The following OR7E24 variants were observed in gnomAD, a reference collection of about 807,000 sequenced individuals.
OR7E24 encodes the protein olfactory receptor 7E24.
For missense variants in OR7E24, 385 were observed against 410.3 expected, an observed-to-expected ratio of 0.94 and a Z score of 0.53; for synonymous variants, 130 against 157.5, an observed-to-expected ratio of 0.83 and a Z score of 1.31.
At chr19:9,230,107 C>T in the OR7E24 span, among the ~76,000 whole-genome samples, 106 of 151,110 alleles carry the variant, frequency 7.0e-4, no homozygotes, top group East Asian at 2.9e-3. Flanking sequence ...TGCAATGGCA[C>T]GATCTCGGCT....
At chr19:9,246,205 G>A (rs929012981), upstream of OR7E24, among the ~76,000 whole-genome samples, 1 of 150,488 alleles carries the variant, frequency 6.6e-6, no homozygotes, top group Non-Finnish European at 1.5e-5. Flanking sequence ...AAGTAGCTGG[G>A]ATTACAGGCA....
At chr19:9,220,061 T>A in the OR7E24 span, among the ~76,000 whole-genome samples, 3 of 151,906 alleles carry the variant, frequency 2.0e-5, no homozygotes, top group Non-Finnish European at 2.9e-5. Context: ...TTTTATATAT[T>A]TTTTTAAATT....
At chr19:9,229,346 A>G in the OR7E24 span, among the ~76,000 whole-genome samples, 1 of 152,096 alleles carries the variant, frequency 6.6e-6, no homozygotes, top group South Asian at 2.1e-4. Context: ...CCTGGCCAAT[A>G]TGGTGAAACC....
rs188631684 is a variant in OR7E24, at chr19:9,252,094, G to A, written c.*31G>A. On this transcript the variant is annotated 3_prime_UTR_variant, in exon 1 of 1. Coordinates refer to ENST00000456448, the MANE Select transcript of OR7E24 (RefSeq NM_001079935.2). The stretch of plus-strand genomic sequence containing the variant: ...GCAGCAAAATTTAACACCTAGGCCT[G>A]CAAATTCTGCCTCCTTGGTCACATT... The A allele has an allele frequency of 6.4e-6, 10 of 1,572,678 alleles. No individual in the cohort carries two copies. The Admixed American group carries it at 1.0e-4, about 17-fold the overall frequency.
Position 9,250,933 on chromosome 19 carries a change from G to T in OR7E24, c.-111G>T. ...TATGAAGTAACTCTAAGGAAATTGG[G>T]TTTGTCACAACTGAGAACTATTGCT... On this transcript the variant is annotated 5_prime_UTR_variant, in exon 1 of 1. Transcript: ENST00000456448. The T allele has an allele frequency of 1.3e-6, 1 of 792,366 alleles. No individual in the cohort carries two copies. The highest frequency in any genetic ancestry group is 2.0e-6 in the Non-Finnish European group (1 of 502,046). 49.1% of individuals were successfully genotyped at this position (792,366 alleles called of 1,614,324 possible).
At chr19:9,239,919 G>C in the OR7E24 span, among the ~76,000 whole-genome samples, 2 of 151,920 alleles carry the variant, frequency 1.3e-5, no homozygotes, top group African/African-American at 2.4e-5. Flanking sequence ...ATATTGGTCA[G>C]GCTGGTCTCG....
At chr19:9,214,883 T>G in the OR7E24 span, 1 of 1,186,398 alleles carries the variant, frequency 8.4e-7, no homozygotes, top group African/African-American at 1.5e-5. Flanking sequence ...CAACGTTTAA[T>G]GAACAGCAAG....
chr19:9,206,503 TG>T, the OR7E24 span: 1 of 152,254 alleles, frequency 6.6e-6, no homozygotes, highest in African/African-American at 2.4e-5. Flanking sequence ...GCAATGACCC[TG>T]GTATCTAGGT....
chr19:9,245,367 G>A (rs961878529), upstream of OR7E24, among the ~76,000 whole-genome samples: 7 of 152,118 alleles, frequency 4.6e-5, no homozygotes, highest in Admixed American at 1.3e-4. Flanking sequence ...CACCCAATAG[G>A]ATGGCTATTA....
the OR7E24 span, among the ~76,000 whole-genome samples, chr19:9,216,972 G>A: frequency 6.6e-6 from 1 of 152,270 alleles, no homozygotes; most frequent in East Asian, 1.9e-4. Context: ...CTTACATGGG[G>A]CAGCCATCAA....
In OR7E24 at chr19:9,251,543, TTTTTATTAGTC is replaced by T; in HGVS notation, c.493_503del (p.Ile165GlyfsTer22). On this transcript the variant is annotated frameshift_variant, in exon 2 of 2. Transcript: ENST00000641946. LOFTEE classifies it low-confidence loss of function (END_TRUNC). ...TGTGGCTTCTTAATCTTGTTGTCTT[TTTTTATTAGTC>T]TTTTGGACTCCCAGTTGCACAATTT... is the stretch of plus-strand genomic sequence containing the variant. 6.2e-7 allele frequency: 1 copy of T among 1,614,054 alleles called. No homozygotes were observed. The highest frequency in any genetic ancestry group is 2.2e-5 in the East Asian group (1 of 44,894).
At chr19:9,226,220 G>C in the OR7E24 span, among the ~76,000 whole-genome samples, 1 of 152,182 alleles carries the variant, frequency 6.6e-6, no homozygotes, top group South Asian at 2.1e-4. Context: ...TAAAGAAATA[G>C]CACTTGAATA....
the OR7E24 span, among the ~76,000 whole-genome samples, chr19:9,232,538 CAAAAAAAAAAAA>C: frequency 3.2e-5 from 2 of 62,554 alleles, no homozygotes; most frequent in Non-Finnish European, 6.7e-5. Flanking sequence ...AACTCCGTCG[CAAAAAAAAAAAA>C]AAAAAAAAAA....
the OR7E24 span, chr19:9,214,239 T>C: frequency 6.2e-7 from 1 of 1,614,106 alleles, no homozygotes. Context: ...CGTGGCCACA[T>C]ACAAGACAAT....
At chr19:9,214,174 C>A in the OR7E24 span, 1 of 1,613,988 alleles carries the variant, frequency 6.2e-7, no homozygotes, top group African/African-American at 1.3e-5. Flanking sequence ...AAGGAGGAGA[C>A]AATCTGAGAG....
At chr19:9,214,794 A>G in the OR7E24 span, 1 of 1,612,042 alleles carries the variant, frequency 6.2e-7, no homozygotes, top group South Asian at 1.1e-5. Context: ...TGAGAGTCCC[A>G]GGAGGAGAAA....
At chr19:9,236,978 C>G in the OR7E24 span, among the ~76,000 whole-genome samples, 2 of 152,188 alleles carry the variant, frequency 1.3e-5, no homozygotes, top group Non-Finnish European at 2.9e-5. Context: ...CTCTATTTCT[C>G]AGAGGAAGAG....
chr19:9,246,466 T>TTTTGTGTG (rs1555720677), upstream of OR7E24, among the ~76,000 whole-genome samples: 2 of 130,986 alleles, frequency 1.5e-5, no homozygotes, highest in East Asian at 2.2e-4. Context: ...CTTAAAGGTA[T>TTTTGTGTG]TGTGTGTGTG....
chr19:9,243,440 C>T (rs977581932), upstream of OR7E24, among the ~76,000 whole-genome samples: 1 of 151,352 alleles, frequency 6.6e-6, no homozygotes, highest in Non-Finnish European at 1.5e-5. Flanking sequence ...TCAAGTGATC[C>T]TCCTCAGTCT....
Sources: gnomAD v4.1 joint callset for allele counts (sites outside exome capture counted in the v4.1 genomes callset) on GRCh38, gnomAD v4.1.1 for gene constraint, MANE v1.5 for transcripts, NCBI Gene and HGNC (gene_info 2026-07-23, HGNC 2026-07-21) for gene names.